The following THSD7B variants were observed in gnomAD, a reference collection of about 807,000 sequenced individuals.
THSD7B encodes thrombospondin type 1 domain containing 7B.
THSD7B carries 138 observed loss-of-function variants against 213.6 expected under a neutral mutation model. The observed-to-expected ratio is 0.65, with a 90% confidence interval of 0.56 to 0.74. The LOEUF (loss-of-function observed/expected upper bound fraction) is 0.74. THSD7B is among the 30% of genes least tolerant of loss of function. The probability of loss-of-function intolerance (pLI) is 0.00; values close to 1 mark genes in which losing one functional copy is unlikely to be tolerated. For missense variants in THSD7B, 1,931 were observed against 1,991.5 expected, an observed-to-expected ratio of 0.97 and a Z score of 0.58; for synonymous variants, 742 against 687.0, an observed-to-expected ratio of 1.08 and a Z score of -1.25.
intron 1 of THSD7B, among the ~76,000 whole-genome samples, chr2:136,771,885 G>T (rs777719839): frequency 1.3e-5 from 2 of 152,014 alleles, no homozygotes; most frequent in Non-Finnish European, 2.9e-5. Context: ...GTAAGGTAAG[G>T]CTTACCAATA....
intron 4 of THSD7B, among the ~76,000 whole-genome samples, chr2:137,100,865 C>T (rs1688137282): frequency 6.6e-6 from 1 of 151,950 alleles, no homozygotes. Context: ...GTTCCACAAT[C>T]CTGCTGATGC....
chr2:136,882,201 C>T lies in THSD7B; in HGVS notation c.23C>T (p.Thr8Ile). Residue 8 changes from threonine to isoleucine, a missense_variant, in exon 2 of 28, where the codon ACA (threonine) becomes ATA (isoleucine). Thr to Ile is a moderately conservative substitution (Grantham distance 89). Transcript: ENST00000409968. ...AGCATGTTTCCAAAGAGCAACCTAA[C>T]AGTCACTTGCTGGGTATGGAGGAGC... MFPKSNL[T>I]VTCWVWRSMR... 3 of 1,536,154 alleles carry T rather than the reference C, an allele frequency of 2.0e-6. No individual in the cohort carries two copies. Among genetic ancestry groups the T allele is most frequent in the Non-Finnish European group, 2.6e-6 (3 of 1,140,936 alleles).
At chr2:136,772,943 A>G (rs1490123517) in intron 1 of THSD7B, among the ~76,000 whole-genome samples, 1 of 152,162 alleles carries the variant, frequency 6.6e-6, no homozygotes, top group Non-Finnish European at 1.5e-5. Context: ...AAACAAATAT[A>G]CTGTTGGAAT....
At chr2:137,366,703 A>G (rs1172539567) in intron 12 of THSD7B, among the ~76,000 whole-genome samples, 2 of 151,858 alleles carry the variant, frequency 1.3e-5, no homozygotes, top group Non-Finnish European at 2.9e-5. Flanking sequence ...AGAAAGGCAA[A>G]TAAAAGATAA....
intron 15 of THSD7B, among the ~76,000 whole-genome samples, chr2:137,459,833 C>T (rs1038234650): frequency 1.3e-5 from 2 of 152,038 alleles, no homozygotes; most frequent in Admixed American, 6.6e-5. Context: ...CAGGCACCTG[C>T]TCTGGAATCT....
At chr2:137,217,969 T>G (rs1163414134) in intron 7 of THSD7B, among the ~76,000 whole-genome samples, 1 of 152,190 alleles carries the variant, frequency 6.6e-6, no homozygotes, top group African/African-American at 2.4e-5. Flanking sequence ...AAGTGCAGTT[T>G]AACTGCCTAG....
rs1184975321 is a variant in THSD7B at position 137,017,064 on chromosome 2, TC to T, written c.140-39354del. On this transcript the variant is annotated intron_variant, in intron 2 of 27. Transcript: ENST00000409968. ...ATAATATTCAGTACAAGTGTAAGTTTCCATGAGATTTGGGTACCAAATGAGC... is the reference window on the plus strand; with the variant it reads ...ATAATATTCAGTACAAGTGTAAGTTTCATGAGATTTGGGTACCAAATGAGC... Among the ~76,000 whole-genome samples, 10 of 152,302 alleles carry T rather than the reference TC, an allele frequency of 6.6e-5. No homozygotes were observed. In the East Asian group the frequency reaches 1.9e-3, roughly 29 times the overall value.
intron 3 of THSD7B, among the ~76,000 whole-genome samples, chr2:137,061,351 C>A (rs1215956988): frequency 6.7e-6 from 1 of 149,220 alleles, no homozygotes; most frequent in Non-Finnish European, 1.5e-5. Context: ...AATATGTTTT[C>A]TTTATTTTAT....
chr2:136,938,345 T>C (rs1267860414), intron 2 of THSD7B, among the ~76,000 whole-genome samples: 3 of 152,162 alleles, frequency 2.0e-5, no homozygotes, highest in African/African-American at 7.2e-5. Flanking sequence ...ACCCAGAGAC[T>C]GAGGAGCTGA....
chr2:137,540,549 G>A (rs1177943892), intron 15 of THSD7B, among the ~76,000 whole-genome samples: 8 of 151,586 alleles, frequency 5.3e-5, no homozygotes, highest in Non-Finnish European at 1.5e-5. Context: ...AACAGGATTG[G>A]AACTCCTTCA....
At chr2:136,990,925 CA>C in intron 2 of THSD7B, 1 of 1,347,338 alleles carries the variant, frequency 7.4e-7, no homozygotes, top group Non-Finnish European at 9.9e-7. Context: ...GGTTTTGTAT[CA>C]CAAATTAGCA....
chr2:136,980,052 A>C (rs1300037461), intron 2 of THSD7B, among the ~76,000 whole-genome samples: 1 of 150,576 alleles, frequency 6.6e-6, no homozygotes, highest in Non-Finnish European at 1.5e-5. Context: ...CTGGGGGTTC[A>C]CTCCATACCC....
At position 137,618,374 on chromosome 2, in the gene THSD7B, G is replaced by T. The variant is rs1263026250; in HGVS notation, c.3566-18G>T. On this transcript the variant is annotated intron_variant, in intron 18 of 27. Transcript: ENST00000409968. The stretch of plus-strand genomic sequence containing the variant: ...GCCATAATTTTGAAACTCAGTGTGG[G>T]TGATCCTATGCCTGTAGAGTGGAGC... The T allele has an allele frequency of 1.8e-5, 29 of 1,610,266 alleles. No homozygotes were observed. The highest frequency in any genetic ancestry group is 2.3e-5 in the Non-Finnish European group (27 of 1,177,436).
At chr2:137,514,763 T>C (rs1309956535) in intron 15 of THSD7B, among the ~76,000 whole-genome samples, 4 of 152,162 alleles carry the variant, frequency 2.6e-5, no homozygotes, top group African/African-American at 9.7e-5. Context: ...TGTAGAGATT[T>C]ATGCAAAATA....
intron 12 of THSD7B, among the ~76,000 whole-genome samples, chr2:137,339,110 A>G (rs752360075): frequency 9.2e-5 from 14 of 151,778 alleles, no homozygotes; most frequent in Non-Finnish European, 1.3e-4. Flanking sequence ...TTTTTTTCTG[A>G]ATAAATATCT....
At chr2:136,944,495 CA>C (rs945653935) in intron 2 of THSD7B, among the ~76,000 whole-genome samples, 1 of 152,112 alleles carries the variant, frequency 6.6e-6, no homozygotes, top group Admixed American at 6.6e-5. Flanking sequence ...TAAAGTCTCC[CA>C]TTATTACTGT....
chr2:136,833,997 A>T (rs1462394204), intron 1 of THSD7B, among the ~76,000 whole-genome samples: 1 of 152,224 alleles, frequency 6.6e-6, no homozygotes, highest in African/African-American at 2.4e-5. Context: ...GTTTAGCCAG[A>T]ACTCTTATCA....
At chr2:136,907,831 T>G (rs1350315141) in intron 2 of THSD7B, among the ~76,000 whole-genome samples, 2 of 152,200 alleles carry the variant, frequency 1.3e-5, no homozygotes, top group African/African-American at 4.8e-5. Context: ...GAGGTTTGTG[T>G]TTTTTCTTCT....
intron 10 of THSD7B, among the ~76,000 whole-genome samples, chr2:137,255,279 A>G (rs777688467): frequency 6.6e-6 from 1 of 152,138 alleles, no homozygotes; most frequent in African/African-American, 2.4e-5. Context: ...ATAGCAAAAC[A>G]TTCTCCTTGG....
Sources: allele counts gnomAD v4.1 joint callset (sites outside exome capture counted in the v4.1 genomes callset), GRCh38; gene constraint gnomAD v4.1.1; transcripts MANE v1.5; gene names NCBI Gene and HGNC (gene_info 2026-07-23, HGNC 2026-07-21).